The following SPOCK3 variants were observed in gnomAD, a reference collection of about 807,000 sequenced individuals.
The protein encoded by SPOCK3 is testican-3.
SPOCK3 carries 30 observed loss-of-function variants against 56.6 expected under a neutral mutation model. The ratio of observed to expected loss-of-function variants is 0.53; its 90% CI spans 0.40 to 0.72. The LOEUF (loss-of-function observed/expected upper bound fraction) is 0.72. SPOCK3 is among the 30% of genes least tolerant of loss of function. SPOCK3 has a pLI of 0.00. For missense variants in SPOCK3, 527 were observed against 530.0 expected (o/e 0.99, Z 0.06); for synonymous variants, 196 against 183.3 (o/e 1.07, Z -0.56).
chr4:167,129,475 TC>T (rs1762538724), intron 2 of SPOCK3, among the ~76,000 whole-genome samples: 1 of 152,236 alleles, frequency 6.6e-6, no homozygotes, highest in Non-Finnish European at 1.5e-5. Context: ...TTCTATTTCA[TC>T]TGTTTCATCC....
intron 4 of SPOCK3, among the ~76,000 whole-genome samples, chr4:166,921,004 T>C (rs1738420576): frequency 6.6e-6 from 1 of 152,166 alleles, no homozygotes; most frequent in South Asian, 2.1e-4. Flanking sequence ...TTTGTGGAAG[T>C]CATTATCATT....
intron 4 of SPOCK3, among the ~76,000 whole-genome samples, chr4:166,952,717 T>C (rs1274761277): frequency 1.3e-5 from 2 of 152,176 alleles, no homozygotes; most frequent in Admixed American, 6.5e-5. Flanking sequence ...AACAGCATGG[T>C]ACTGGTACCA....
intron 2 of SPOCK3, among the ~76,000 whole-genome samples, chr4:167,065,044 A>AAAAAAAAAAAAAAAAAAAG (rs1755985371): frequency 6.8e-6 from 1 of 146,280 alleles, no homozygotes. Flanking sequence ...CTCCAAAAAA[A>AAAAAAAAAAAAAAAAAAAG]AAAAAAAAAA....
chr4:167,017,454 T>C (rs1750734830), intron 3 of SPOCK3, among the ~76,000 whole-genome samples: 1 of 152,076 alleles, frequency 6.6e-6, no homozygotes, highest in Non-Finnish European at 1.5e-5. Context: ...TGAAGTGATC[T>C]TGTCTCCAGA....
chr4:166,789,322 G>T (rs894928544), intron 7 of SPOCK3, among the ~76,000 whole-genome samples: 1 of 151,834 alleles, frequency 6.6e-6, no homozygotes, highest in South Asian at 2.1e-4. Flanking sequence ...CCAGCTACTC[G>T]AGAGGTTAAG....
chr4:166,974,407 G>A (rs1190648505), intron 4 of SPOCK3, among the ~76,000 whole-genome samples: 1 of 152,024 alleles, frequency 6.6e-6, no homozygotes, highest in Non-Finnish European at 1.5e-5. Flanking sequence ...TCAAATACAT[G>A]TTGAATTCAT....
chr4:166,765,486 C>A (rs1225368340), intron 7 of SPOCK3, among the ~76,000 whole-genome samples: 2 of 152,144 alleles, frequency 1.3e-5, no homozygotes, highest in Non-Finnish European at 2.9e-5. Context: ...TGTCAAAGAT[C>A]AGATGGTTGT....
At chr4:166,967,776 G>A (rs1744901723) in intron 4 of SPOCK3, among the ~76,000 whole-genome samples, 1 of 152,174 alleles carries the variant, frequency 6.6e-6, no homozygotes, top group African/African-American at 2.4e-5. Context: ...AAAATGTGGA[G>A]GCAACTTTGG....
chr4:167,094,383 C>A (rs1758963751), intron 2 of SPOCK3, among the ~76,000 whole-genome samples: 1 of 151,930 alleles, frequency 6.6e-6, no homozygotes, highest in Non-Finnish European at 1.5e-5. Context: ...TAAATATTAT[C>A]AAGTAAAAAT....
chr4:166,883,825 C>T (rs1278106037), intron 6 of SPOCK3, among the ~76,000 whole-genome samples: 4 of 152,002 alleles, frequency 2.6e-5, no homozygotes, highest in Non-Finnish European at 5.9e-5. Context: ...AAATCAAGTA[C>T]TAAAGAATTT....
intron 6 of SPOCK3, among the ~76,000 whole-genome samples, chr4:166,827,034 T>C (rs1167891481): frequency 6.6e-6 from 1 of 152,126 alleles, no homozygotes; most frequent in Non-Finnish European, 1.5e-5. Flanking sequence ...TGTTTGTTTA[T>C]TAGTAATCTA....
chr4:166,763,871 A>G (rs1332854538), intron 7 of SPOCK3, among the ~76,000 whole-genome samples: 1 of 152,320 alleles, frequency 6.6e-6, no homozygotes, highest in Admixed American at 6.5e-5. Flanking sequence ...ACATCAATTC[A>G]TTATTTCATA....
At chr4:167,224,168 T>A (rs963069634) in intron 2 of SPOCK3, among the ~76,000 whole-genome samples, 12 of 152,300 alleles carry the variant, frequency 7.9e-5, no homozygotes, top group African/African-American at 2.9e-4. Context: ...TTCTAACACA[T>A]ATTTTTTCAT....
intron 6 of SPOCK3, among the ~76,000 whole-genome samples, chr4:166,820,756 G>A (rs1202597114): frequency 6.6e-6 from 1 of 151,868 alleles, no homozygotes; most frequent in Non-Finnish European, 1.5e-5. Context: ...CCTGTGAGGT[G>A]GAGGCTGCAA....
In SPOCK3 at chr4:166,748,402, A is replaced by G. The variant is rs1327785195; in HGVS notation, c.931+6106T>C. Among the ~76,000 whole-genome samples the G allele has an allele frequency of 2.2e-5, 3 of 137,360 alleles. 1 individual carries two copies. The highest frequency in any genetic ancestry group is 9.3e-5 in the African/African-American group (3 of 32,170). 90.1% of individuals were successfully genotyped at this position (137,360 alleles called of 152,430 possible). A position where few individuals can be genotyped will look rare whatever the true frequency, so the allele number is the denominator to read the frequency against. On this transcript the variant is annotated intron_variant, in intron 8 of 10. Coordinates refer to ENST00000357545, the MANE Select transcript of SPOCK3 (RefSeq NM_001040159.2). ...AAATGGGGAAAGGATTCCCTTTTTA[A>G]TAAATGGTGCTGGGAAAACTGGCTA...
intron 2 of SPOCK3, among the ~76,000 whole-genome samples, chr4:167,162,913 C>G (rs1189966777): frequency 3.3e-5 from 5 of 151,808 alleles, no homozygotes; most frequent in Non-Finnish European, 7.4e-5. Context: ...TACAGGTGAA[C>G]TCAGCAGTGG....
intron 2 of SPOCK3, among the ~76,000 whole-genome samples, chr4:167,096,005 A>G (rs1759118357): frequency 6.6e-6 from 1 of 151,860 alleles, no homozygotes; most frequent in African/African-American, 2.4e-5. Context: ...AAAAAAACCA[A>G]TTGCAATATT....
chr4:166,805,930 G>T (rs1025845124), intron 6 of SPOCK3, among the ~76,000 whole-genome samples: 1 of 152,016 alleles, frequency 6.6e-6, no homozygotes. Flanking sequence ...ATAGTAAAAG[G>T]TCTAATCTAA....
chr4:166,983,490 T>C (rs1746809838), intron 4 of SPOCK3, among the ~76,000 whole-genome samples: 1 of 152,060 alleles, frequency 6.6e-6, no homozygotes, highest in Admixed American at 6.5e-5. Flanking sequence ...GGCTCATCCA[T>C]GTTTCTCCAA....
Sources: allele counts gnomAD v4.1 joint callset (sites outside exome capture counted in the v4.1 genomes callset), GRCh38; gene constraint gnomAD v4.1.1; transcripts MANE v1.5; gene names NCBI Gene and HGNC (gene_info 2026-07-23, HGNC 2026-07-21).